EYS: variants seen among roughly 807,000 people sequenced by gnomAD.
EYS encodes protein eyes shut homolog.
EYS carries 250 observed loss-of-function variants against 282.1 expected under a neutral mutation model. The ratio of observed to expected loss-of-function variants is 0.89; its 90% CI spans 0.80 to 0.98. The LOEUF is 0.98. EYS is among the 50% of genes least tolerant of loss of function. The probability of loss-of-function intolerance (pLI) is 0.00; values close to 1 mark genes in which losing one functional copy is unlikely to be tolerated. For missense variants in EYS, 4,016 were observed against 3,709.0 expected (o/e 1.08, Z -2.15); for synonymous variants, 1,355 against 1,282.9 (o/e 1.06, Z -1.20).
chr6:65,561,550 C>T (rs9363396), intron 2 of EYS, among the ~76,000 whole-genome samples: 114,393 of 152,030 alleles, frequency 0.75, 43,874 homozygotes, highest in African/African-American at 0.9. Context: ...TTTGCTTTTC[C>T]AATGGGTAAT....
At chr6:64,487,501 A>G (rs1776611122) in intron 26 of EYS, among the ~76,000 whole-genome samples, 1 of 151,112 alleles carries the variant, frequency 6.6e-6, no homozygotes, top group Admixed American at 6.6e-5. Flanking sequence ...TCCATTTAAA[A>G]TGTATATTAA....
chr6:65,318,400 A>G (rs1295528443), intron 11 of EYS, among the ~76,000 whole-genome samples: 2 of 150,708 alleles, frequency 1.3e-5, no homozygotes, highest in Non-Finnish European at 3.0e-5. Context: ...CACATCTGCT[A>G]TTGTTCAAAC....
intron 26 of EYS, among the ~76,000 whole-genome samples, chr6:64,516,375 A>G (rs1777560231): frequency 1.3e-5 from 2 of 151,760 alleles, no homozygotes; most frequent in Non-Finnish European, 2.9e-5. Flanking sequence ...AGGATGAAAT[A>G]ATCTCTACAA....
At chr6:65,249,879 A>G (rs369595761) in intron 12 of EYS, among the ~76,000 whole-genome samples, 35 of 152,160 alleles carry the variant, frequency 2.3e-4, no homozygotes, top group African/African-American at 8.2e-4. Context: ...TACTGCAGCA[A>G]AAAAGGTTAA....
intron 28 of EYS, among the ~76,000 whole-genome samples, chr6:64,417,198 TACAA>T (rs1033763521): frequency 6.6e-6 from 1 of 152,188 alleles, no homozygotes; most frequent in Middle Eastern, 3.2e-3. Flanking sequence ...TAAAAACAAT[TACAA>T]ACATTTATTG....
chr6:64,695,040 C>T (rs1254375306), intron 22 of EYS, among the ~76,000 whole-genome samples: 1 of 152,018 alleles, frequency 6.6e-6, no homozygotes, highest in Non-Finnish European at 1.5e-5. Flanking sequence ...AGTTGCTGTG[C>T]TCTTCTATGG....
At chr6:63,788,603 C>T (rs867046677) in intron 38 of EYS, among the ~76,000 whole-genome samples, 2 of 151,814 alleles carry the variant, frequency 1.3e-5, no homozygotes, top group Middle Eastern at 6.8e-3. Context: ...TGGTACCCAC[C>T]TTCCTAAGTA....
chr6:64,016,479 T>C (rs1437424621), intron 33 of EYS, among the ~76,000 whole-genome samples: 1 of 145,562 alleles, frequency 6.9e-6, no homozygotes, highest in African/African-American at 2.6e-5. Context: ...TGCTGTGTCA[T>C]ACCTTTTTGA....
At position 64,864,631 on chromosome 6, in the gene EYS, G is replaced by C. The variant is rs113348059; in HGVS notation, c.2992+22066C>G. Among the ~76,000 whole-genome samples, 1,172 of 151,202 alleles carry C rather than the reference G, an allele frequency of 7.8e-3. 13 individuals carry two copies. The highest frequency in any genetic ancestry group is 0.026 in the African/African-American group (1,091 of 41,306). ...GATCTCCTGACCCTGTGATCCACCT[G>C]CCGCGGCCTTTCAAAGTGCTGGGAT... On this transcript the variant is annotated intron_variant, in intron 19 of 42. Coordinates refer to ENST00000503581, the MANE Select transcript of EYS (RefSeq NM_001142800.2).
At chr6:64,581,322 G>A (rs1462115077) in intron 26 of EYS, among the ~76,000 whole-genome samples, 1 of 151,970 alleles carries the variant, frequency 6.6e-6, no homozygotes, top group African/African-American at 2.4e-5. Flanking sequence ...CAAAATAGTG[G>A]CACCATGGAC....
chr6:64,767,375 T>C (rs1773385186), intron 22 of EYS, among the ~76,000 whole-genome samples: 1 of 152,150 alleles, frequency 6.6e-6, no homozygotes, highest in Admixed American at 6.6e-5. Flanking sequence ...CTTATTCCTC[T>C]TTTCTAGCTG....
chr6:65,449,835 T>A (rs1764341767), intron 5 of EYS, among the ~76,000 whole-genome samples: 1 of 152,074 alleles, frequency 6.6e-6, no homozygotes, highest in Non-Finnish European at 1.5e-5. Context: ...TTCCTTTAGC[T>A]GGGCCTCTCA....
chr6:65,069,855 T>A (rs2150164981), intron 12 of EYS, among the ~76,000 whole-genome samples: 1 of 152,042 alleles, frequency 6.6e-6, no homozygotes, highest in Admixed American at 6.6e-5. Flanking sequence ...GCCCATAAAA[T>A]AGTCAGATTT....
At chr6:64,083,822 C>A (rs1446944470) in intron 31 of EYS, among the ~76,000 whole-genome samples, 1 of 152,178 alleles carries the variant, frequency 6.6e-6, no homozygotes, top group Non-Finnish European at 1.5e-5. Context: ...ACTGCAACCT[C>A]CACCTCCCGG....
intron 1 of EYS, among the ~76,000 whole-genome samples, chr6:65,670,668 C>A (rs1292906007): frequency 6.6e-6 from 1 of 151,916 alleles, no homozygotes; most frequent in Non-Finnish European, 1.5e-5. Context: ...AACAATCAGA[C>A]CTTATTTCAA....
At chr6:64,677,946 G>C (rs886918039) in intron 22 of EYS, among the ~76,000 whole-genome samples, 10 of 151,616 alleles carry the variant, frequency 6.6e-5, no homozygotes, top group Non-Finnish European at 1.5e-4. Context: ...GACTATAAAG[G>C]AATAAGCAGT....
At position 65,140,652 on chromosome 6, in the gene EYS, A is replaced by T. The variant is rs1764306482; in HGVS notation, c.2024-82925T>A. Among the ~76,000 whole-genome samples the T allele has an allele frequency of 2.0e-5, 3 of 151,502 alleles. No individual in the cohort carries two copies. In the South Asian group the frequency reaches 6.2e-4, roughly 32 times the overall value. Reference sequence around the variant, plus strand: ...ACTCAAACAAATTGACAAGAAGAAAACAAACAACCCCATCAAAAAGTGGGC... The same window carrying T: ...ACTCAAACAAATTGACAAGAAGAAATCAAACAACCCCATCAAAAAGTGGGC... On this transcript the variant is annotated intron_variant, in intron 12 of 42. Coordinates refer to ENST00000503581, the MANE Select transcript of EYS (RefSeq NM_001142800.2).
chr6:64,844,174 G>A (rs1765648669), intron 19 of EYS, among the ~76,000 whole-genome samples: 1 of 151,984 alleles, frequency 6.6e-6, no homozygotes, highest in Admixed American at 6.6e-5. Context: ...GCATGAAAAT[G>A]GACTAATACA....
intron 30 of EYS, among the ~76,000 whole-genome samples, chr6:64,305,949 A>T (rs766440669): frequency 3.3e-5 from 5 of 152,176 alleles, no homozygotes; most frequent in African/African-American, 4.8e-5. Flanking sequence ...GACAACTCAG[A>T]ATGGAAGAAA....
Sources: gnomAD v4.1 joint callset for allele counts (sites outside exome capture counted in the v4.1 genomes callset) on GRCh38, gnomAD v4.1.1 for gene constraint, MANE v1.5 for transcripts, NCBI Gene and HGNC (gene_info 2026-07-23, HGNC 2026-07-21) for gene names.